The following NUP210 variants were observed in gnomAD, a reference collection of about 807,000 sequenced individuals.
The protein encoded by NUP210 is nucleoporin 210, also known as nuclear pore membrane glycoprotein 210.
Under a neutral mutation model 196.0 loss-of-function variants are expected in NUP210, and 151 were observed. The observed-to-expected ratio is 0.77, with a 90% CI of 0.67 to 0.88. The LOEUF (loss-of-function observed/expected upper bound fraction) is 0.88, where lower values mean the gene tolerates loss of function less well. Ranked by LOEUF, NUP210 falls within the 40% of genes least tolerant of loss-of-function variation. The probability of loss-of-function intolerance (pLI) is 0.00; values close to 1 mark genes in which losing one functional copy is unlikely to be tolerated. For missense variants in NUP210, 2,314 were observed against 2,493.7 expected (o/e 0.93, Z 1.53); for synonymous variants, 1,070 against 1,052.7 (o/e 1.02, Z -0.32).
chr3:13,328,667 A>G lies in NUP210; in HGVS notation c.4286+104T>C, dbSNP rs145633684. The G allele has an allele frequency of 1.0e-3, 1,138 of 1,101,256 alleles. 12 individuals carry two copies. The African/African-American group carries it at 0.016, about 15-fold the overall frequency. The allele number at this position is 1,101,256 out of a possible 1,614,324, so 68.2% of individuals were successfully genotyped here. On this transcript the variant is annotated intron_variant, in intron 31 of 39. Transcript: ENST00000254508. ...CATCTCTTGGAAACTGAAGTAATAC[A>G]CATCTTCCTTCAACAGCAGCAGACT...
intron 33 of NUP210, among the ~76,000 whole-genome samples, chr3:13,325,211 G>A (rs1215635388): frequency 6.6e-6 from 1 of 152,180 alleles, no homozygotes; most frequent in African/African-American, 2.4e-5. Context: ...CTTTCCAGGA[G>A]AGCACAGCTG....
chr3:13,366,047 T>C lies in NUP210; in HGVS notation c.1831A>G (p.Lys611Glu), dbSNP rs1263677721. 1.2e-6 allele frequency: 2 copies of C among 1,614,066 alleles called. No individual in the cohort carries two copies. Among genetic ancestry groups the C allele is most frequent in the African/African-American group, 1.3e-5 (1 of 74,928 alleles). Residue 611 changes from lysine to glutamate, a missense_variant, in exon 14 of 40, where the codon AAG (lysine) becomes GAG (glutamate). By Grantham distance (56) the Lys-to-Glu change is moderately conservative. Coordinates refer to ENST00000254508, the MANE Select transcript of NUP210 (RefSeq NM_024923.4). Reference protein sequence around the residue: ...GSEHCSGIRVKAEAQGSTTLL... With the variant: ...GSEHCSGIRVEAEAQGSTTLL... ...GTGGTAGAGCCCTGGGCCTCGGCCTTTACCCGGATGCCGCTGCAGTGCTCA... is the reference window on the plus strand; with the variant it reads ...GTGGTAGAGCCCTGGGCCTCGGCCTCTACCCGGATGCCGCTGCAGTGCTCA...
At chr3:13,419,689 G>C (rs181139658) in intron 1 of NUP210, among the ~76,000 whole-genome samples, 1 of 152,304 alleles carries the variant, frequency 6.6e-6, no homozygotes, top group Admixed American at 6.5e-5. Context: ...CAAGGGAAGT[G>C]CGGCCCAGCT....
chr3:13,365,242 C>A (rs1160175309), intron 14 of NUP210, among the ~76,000 whole-genome samples: 2 of 152,236 alleles, frequency 1.3e-5, no homozygotes, highest in African/African-American at 2.4e-5. Flanking sequence ...TGCACTACCC[C>A]CTAGACTGTG....
intron 20 of NUP210, 39 bp from the exon 21 acceptor site, chr3:13,343,342 G>GGGGGGGGGGGGGGT: frequency 1.7e-5 from 11 of 655,982 alleles, no homozygotes; most frequent in Admixed American, 5.1e-5. Flanking sequence ...TGGGTGGTGG[G>GGGGGGGGGGGGGGT]TTACGCAGCT....
chr3:13,319,263 C>T lies in NUP210; in HGVS notation c.5446G>A (p.Ala1816Thr), dbSNP rs375414642. The T allele has an allele frequency of 2.0e-5, 32 of 1,613,144 alleles. No individual in the cohort carries two copies. The highest frequency in any genetic ancestry group is 1.5e-4 in the South Asian group (14 of 90,830). ...ATGACCGCTGTCCCAGCCAACAGGG[C>T]GAAGAGCGTGAAGAACATGACCTGG... The part of the protein sequence containing the change: ...SYQVMFFTLF[A>T]LLAGTAVMII... The change falls in exon 38 of 40, where the codon GCC (alanine) becomes ACC (threonine). Residue 1816 changes from alanine to threonine, a missense_variant. Coordinates refer to ENST00000254508, the MANE Select transcript of NUP210 (RefSeq NM_024923.4).
intron 39 of NUP210, among the ~76,000 whole-genome samples, chr3:13,318,190 G>A (rs1195053632): frequency 6.6e-6 from 1 of 152,202 alleles, no homozygotes; most frequent in Non-Finnish European, 1.5e-5. Flanking sequence ...TCCAGGTGTG[G>A]CTCCCAAAAC....
chr3:13,321,839 C>T lies in NUP210; in HGVS notation c.4916-4G>A, dbSNP rs749393161. The T allele has an allele frequency of 5.6e-6, 9 of 1,602,306 alleles. No individual in the cohort carries two copies. The highest frequency in any genetic ancestry group is 1.3e-5 in the African/African-American group (1 of 75,050). ...GTGATTGAGCAGAAGTACTGGCCTG[C>T]GAAGACAAGGGTGTATTGTCTTGTC... On this transcript the variant is annotated splice_polypyrimidine_tract_variant and splice_region_variant and intron_variant, in intron 35 of 39. Coordinates refer to ENST00000254508, the MANE Select transcript of NUP210 (RefSeq NM_024923.4).
intron 3 of NUP210, among the ~76,000 whole-genome samples, chr3:13,394,117 T>C (rs1476821017): frequency 2.0e-5 from 3 of 152,166 alleles, no homozygotes; most frequent in Non-Finnish European, 4.4e-5. Context: ...AGTCCCACCT[T>C]GGGCAGCCAA....
chr3:13,360,821 C>T (rs936084455), intron 14 of NUP210, among the ~76,000 whole-genome samples: 7 of 152,190 alleles, frequency 4.6e-5, no homozygotes, highest in Admixed American at 6.5e-5. Flanking sequence ...TGGAACCTAA[C>T]CTAACAACAC....
At chr3:13,331,212 G>A (rs1696982263) in intron 29 of NUP210, among the ~76,000 whole-genome samples, 2 of 152,146 alleles carry the variant, frequency 1.3e-5, no homozygotes, top group South Asian at 4.1e-4. Context: ...TACCCGCTAA[G>A]AAAACTGTTA....
At chr3:13,407,556 C>T (rs1700040394) in intron 1 of NUP210, among the ~76,000 whole-genome samples, 1 of 152,094 alleles carries the variant, frequency 6.6e-6, no homozygotes, top group African/African-American at 2.4e-5. Flanking sequence ...ACCTCTTTTC[C>T]AAAGCCCCTG....
At chr3:13,394,231 G>A (rs1189842472) in intron 3 of NUP210, among the ~76,000 whole-genome samples, 1 of 152,200 alleles carries the variant, frequency 6.6e-6, no homozygotes, top group Non-Finnish European at 1.5e-5. Context: ...CAGAAGAGAT[G>A]GGATAAGGAA....
chr3:13,409,157 T>A (rs748809795), intron 1 of NUP210, among the ~76,000 whole-genome samples: 3 of 152,240 alleles, frequency 2.0e-5, no homozygotes, highest in Non-Finnish European at 4.4e-5. Flanking sequence ...GGGTTTGGGC[T>A]GCCCAGCCTC....
rs1280945381 is a variant in NUP210, at chr3:13,373,994, A to C, written c.1432-121T>G. ...CACACTCATACACATTTATCCTCAC[A>C]CTCATGGGTTCACCCATGCACACAC... On this transcript the variant is annotated intron_variant, in intron 11 of 39. Transcript: ENST00000254508. The C allele has an allele frequency of 2.5e-6, 3 of 1,177,626 alleles. No individual in the cohort carries two copies. The Admixed American group carries it at 6.2e-5, about 24-fold the overall frequency. 72.9% of individuals were successfully genotyped at this position (1,177,626 alleles called of 1,614,324 possible).
In NUP210 at chr3:13,319,136, C is replaced by T. The variant is rs147461037; in HGVS notation, c.5499G>A (p.Thr1833=). The T allele has an allele frequency of 1.2e-5, 19 of 1,609,964 alleles. No homozygotes were observed. The highest frequency in any genetic ancestry group is 2.2e-5 in the East Asian group (1 of 44,760). ...CTGCAGGCACAGCAAGATCCCGGGG[C>T]GTGCAGACAGTGTGGTAGGCTGCAA... ...VMIIAYHTVC[T]PRDLAVPAAL... Residue 1833 remains threonine, a synonymous_variant, in exon 39 of 40, where the codon ACG becomes ACA. Coordinates refer to ENST00000254508, the MANE Select transcript of NUP210 (RefSeq NM_024923.4).
chr3:13,352,039 C>T (rs750434320), intron 19 of NUP210, 41 bp downstream of exon 19: 23 of 1,605,016 alleles, frequency 1.4e-5, no homozygotes, highest in Admixed American at 1.3e-4. Context: ...GGAGTCCCCC[C>T]GTGGGTCTTG....
At chr3:13,367,740 G>A (rs6442375) in intron 13 of NUP210, among the ~76,000 whole-genome samples, 88,549 of 152,180 alleles carry the variant, frequency 0.58, 26,991 homozygotes, top group African/African-American at 0.77. Flanking sequence ...TGGTCACACC[G>A]TGAAGATCCT....
chr3:13,371,285 T>G (rs1698721342), intron 13 of NUP210, among the ~76,000 whole-genome samples: 1 of 152,202 alleles, frequency 6.6e-6, no homozygotes, highest in Admixed American at 6.5e-5. Flanking sequence ...TTTCTTCATC[T>G]GTCACATGGG....
Sources: allele counts gnomAD v4.1 joint callset (sites outside exome capture counted in the v4.1 genomes callset), GRCh38; gene constraint gnomAD v4.1.1; transcripts MANE v1.5; gene names NCBI Gene and HGNC (gene_info 2026-07-23, HGNC 2026-07-21).